Variants in ALPK1 observed in about 807,000 individuals in gnomAD.
ALPK1 encodes the protein alpha-protein kinase 1.
Under a neutral mutation model 120.6 loss-of-function variants are expected in ALPK1, and 110 were observed. The observed-to-expected ratio is 0.91, with a 90% CI of 0.78 to 1.07. ALPK1 has a LOEUF of 1.07. Among genes scored for constraint, ALPK1 ranks in the 50% least tolerant of loss-of-function variants. The pLI, the probability that ALPK1 is intolerant of heterozygous loss-of-function variation, is 0.00. For missense variants in ALPK1, 1,498 were observed against 1,483.9 expected (o/e 1.01, Z -0.16); for synonymous variants, 582 against 560.3 (o/e 1.04, Z -0.55).
intron 1 of ALPK1, among the ~76,000 whole-genome samples, chr4:112,303,947 T>C (rs1463394019): frequency 6.6e-6 from 1 of 152,116 alleles, no homozygotes; most frequent in African/African-American, 2.4e-5. Context: ...CCCCTTCCTG[T>C]GTCCAAGTGT....
At chr4:112,305,331 T>C (rs1430212557) in intron 1 of ALPK1, among the ~76,000 whole-genome samples, 6 of 151,414 alleles carry the variant, frequency 4.0e-5, no homozygotes, top group Admixed American at 2.0e-4. Flanking sequence ...ATCTATAAAT[T>C]ACCTTGGGCA....
At chr4:112,364,309 C>T (rs1313888925) in intron 2 of ALPK1, among the ~76,000 whole-genome samples, 2 of 151,668 alleles carry the variant, frequency 1.3e-5, no homozygotes, top group East Asian at 3.9e-4. Flanking sequence ...AACCGTTAGA[C>T]CATTAGTGAG....
intron 2 of ALPK1, among the ~76,000 whole-genome samples, chr4:112,336,920 G>C (rs562250898): frequency 6.6e-6 from 1 of 152,124 alleles, no homozygotes; most frequent in South Asian, 2.1e-4. Context: ...TTCTTAACTA[G>C]AAATTTTTTT....
chr4:112,437,366 GA>G (rs937647685), intron 12 of ALPK1, among the ~76,000 whole-genome samples: 1 of 151,706 alleles, frequency 6.6e-6, no homozygotes, highest in Non-Finnish European at 1.5e-5. Flanking sequence ...AATGATCCCA[GA>G]AAAAAAATGG....
At chr4:112,382,761 A>C (rs555159408) in intron 4 of ALPK1, 104 of 621,426 alleles carry the variant, frequency 1.7e-4, no homozygotes, top group Non-Finnish European at 2.7e-4. Flanking sequence ...AAATCCAGTA[A>C]AAGTGAAGAG....
chr4:112,312,012 TG>T (rs1166821708), intron 1 of ALPK1, among the ~76,000 whole-genome samples: 4 of 152,156 alleles, frequency 2.6e-5, no homozygotes, highest in African/African-American at 9.7e-5. Context: ...TGAGTACACC[TG>T]GGCATCTCAA....
At chr4:112,356,387 G>T in intron 2 of ALPK1, 1 of 839,908 alleles carries the variant, frequency 1.2e-6, no homozygotes. Context: ...TCAGGCCTTT[G>T]TCATCCTGGG....
intron 2 of ALPK1, among the ~76,000 whole-genome samples, chr4:112,367,701 T>C (rs1321786713): frequency 6.6e-6 from 1 of 152,218 alleles, no homozygotes; most frequent in Admixed American, 6.5e-5. Flanking sequence ...CAATTATCTC[T>C]CCAAATGGTT....
At chr4:112,440,827 G>A in intron 14 of ALPK1, 90 bp from the exon 15 acceptor site, 2 of 1,507,856 alleles carry the variant, frequency 1.3e-6, no homozygotes, top group South Asian at 2.7e-5. Context: ...GTGTGTGTGT[G>A]TGTGTGTGTG....
At chr4:112,354,823 A>G (rs1378369255) in intron 2 of ALPK1, among the ~76,000 whole-genome samples, 1 of 152,130 alleles carries the variant, frequency 6.6e-6, no homozygotes, top group African/African-American at 2.4e-5. Flanking sequence ...ATTATATACT[A>G]ATTTATTAAT....
At chr4:112,412,517 T>G in intron 5 of ALPK1, 3 of 436,010 alleles carry the variant, frequency 6.9e-6, no homozygotes, top group South Asian at 4.9e-5. Context: ...CCTGATTAGG[T>G]CTTAAAGTAT....
At chr4:112,387,586 T>G (rs1732208969) in intron 4 of ALPK1, among the ~76,000 whole-genome samples, 1 of 152,222 alleles carries the variant, frequency 6.6e-6, no homozygotes, top group Non-Finnish European at 1.5e-5. Flanking sequence ...TTTTCAACTC[T>G]ACAACCATGA....
At chr4:112,388,250 A>C (rs1310549653) in intron 4 of ALPK1, among the ~76,000 whole-genome samples, 1 of 152,262 alleles carries the variant, frequency 6.6e-6, no homozygotes, top group African/African-American at 2.4e-5. Context: ...ATGAATAAAC[A>C]TGAATAAATA....
At position 112,377,760 on chromosome 4, in the gene ALPK1, C is replaced by T. The variant is rs377660258; in HGVS notation, c.-18C>T. The T allele has an allele frequency of 1.4e-4, 220 of 1,600,246 alleles. 1 individual carries two copies. The highest frequency in any genetic ancestry group is 6.6e-4 in the Middle Eastern group (4 of 6,044). ...TGATCACCCTAGACCCAGGGACACC[C>T]AATTCATCGTAATCATCATGAATAA... On this transcript the variant is annotated 5_prime_UTR_variant, in exon 3 of 16. Coordinates refer to ENST00000650871, the MANE Select transcript of ALPK1 (RefSeq NM_025144.4).
At chr4:112,381,792 A>C (rs1280794328) in intron 3 of ALPK1, among the ~76,000 whole-genome samples, 2 of 152,246 alleles carry the variant, frequency 1.3e-5, no homozygotes, top group African/African-American at 4.8e-5. Flanking sequence ...ATAGGAGATT[A>C]TAGACCATTA....
intron 2 of ALPK1, among the ~76,000 whole-genome samples, chr4:112,345,033 C>T (rs190511189): frequency 3.9e-5 from 6 of 152,190 alleles, no homozygotes; most frequent in Admixed American, 3.9e-4. Context: ...TTTTTGTTGT[C>T]AGCTGTTTAA....
At position 112,441,471 on chromosome 4, in the gene ALPK1, G is replaced by T; in HGVS notation, c.*261G>T. ...CATGAGGGATGAAAAGCACTCTTGAGAAAGGCATGTGTTGTTTAAGCCATT... is the reference window on the plus strand; with the variant it reads ...CATGAGGGATGAAAAGCACTCTTGATAAAGGCATGTGTTGTTTAAGCCATT... On this transcript the variant is annotated 3_prime_UTR_variant, in exon 16 of 16. Transcript: ENST00000650871. The T allele has an allele frequency of 1.9e-6, 1 of 524,856 alleles. No homozygotes were observed. Among genetic ancestry groups the T allele is most frequent in the South Asian group, 2.6e-5 (1 of 39,128 alleles). The allele number at this position is 524,856 out of a possible 1,614,324, so 32.5% of individuals were successfully genotyped here. A position where few individuals can be genotyped will look rare whatever the true frequency, so the allele number is the denominator to read the frequency against.
At chr4:112,376,953 C>T (rs574973042) in intron 2 of ALPK1, among the ~76,000 whole-genome samples, 185 of 151,360 alleles carry the variant, frequency 1.2e-3, no homozygotes, top group Middle Eastern at 3.4e-3. Context: ...TTTTTTTTTG[C>T]GCTGTTAGTA....
At chr4:112,421,128 G>A (rs564170067) in intron 5 of ALPK1, among the ~76,000 whole-genome samples, 4 of 152,004 alleles carry the variant, frequency 2.6e-5, no homozygotes, top group Admixed American at 6.6e-5. Flanking sequence ...CACCGTGCCC[G>A]GCCCATAAAA....
Sources: allele counts gnomAD v4.1 joint callset (sites outside exome capture counted in the v4.1 genomes callset), GRCh38; gene constraint gnomAD v4.1.1; transcripts MANE v1.5; gene names NCBI Gene and HGNC (gene_info 2026-07-23, HGNC 2026-07-21).